ZNF92: variants seen among roughly 807,000 people sequenced by gnomAD.
The protein encoded by ZNF92 is epididymis luminal protein 203.
In ZNF92, 11 loss-of-function variants were observed where a neutral mutation model predicts 12.4. The observed-to-expected ratio is 0.89, with a 90% confidence interval of 0.56 to 1.47. ZNF92 has a LOEUF of 1.47. ZNF92 is among the 40% of genes most tolerant of loss of function. The pLI, the probability that ZNF92 is intolerant of heterozygous loss-of-function variation, is 0.00. For synonymous variants in ZNF92, 206 were observed against 228.6 expected (o/e 0.90, Z 0.89); for missense variants, 622 against 681.0 (o/e 0.91, Z 0.96).
At position 65,399,097 on chromosome 7, in the gene ZNF92, T is replaced by A; in HGVS notation, c.983T>A (p.Leu328His). ...CGKAFRVFSILKKHKIIHTGE... is the reference protein window; with the variant it reads ...CGKAFRVFSIHKKHKIIHTGE... ...AAAGCCTTTAGAGTATTCTCAATTC[T>A]TAAAAAACATAAGATAATCCATACT... Residue 328 changes from leucine to histidine, a missense_variant, in exon 4 of 4, where the codon CTT (leucine) becomes CAT (histidine). By Grantham distance (99) the Leu-to-His change is moderately conservative (BLOSUM62 -3). Transcript: ENST00000328747. 6.2e-7 allele frequency: 1 copy of A among 1,612,688 alleles called. No homozygotes were observed. The highest frequency in any genetic ancestry group is 8.5e-7 in the Non-Finnish European group (1 of 1,179,370).
intron 3 of ZNF92, among the ~76,000 whole-genome samples, chr7:65,392,478 G>A (rs918095335): frequency 1.3e-5 from 2 of 151,228 alleles, no homozygotes; most frequent in African/African-American, 4.9e-5. Flanking sequence ...CATGGTGGTG[G>A]CTCACATCTG....
chr7:65,377,162 CTG>C (rs1458280951), intron 1 of ZNF92, among the ~76,000 whole-genome samples: 1 of 152,060 alleles, frequency 6.6e-6, no homozygotes, highest in Non-Finnish European at 1.5e-5. Flanking sequence ...CGTATTTATA[CTG>C]TGTTTGAGTA....
At chr7:65,382,390 A>G (rs931461352) in intron 1 of ZNF92, among the ~76,000 whole-genome samples, 2 of 152,124 alleles carry the variant, frequency 1.3e-5, no homozygotes, top group East Asian at 1.9e-4. Flanking sequence ...TGATATAAAC[A>G]TATAAGGTGC....
chr7:65,389,534 T>C (rs1486517810), intron 3 of ZNF92, among the ~76,000 whole-genome samples: 1 of 152,056 alleles, frequency 6.6e-6, no homozygotes, highest in Non-Finnish European at 1.5e-5. Flanking sequence ...TTTTGTTTTT[T>C]TGAGACAGAG....
intron 2 of ZNF92, among the ~76,000 whole-genome samples, 184 bp from the exon 3 acceptor site, chr7:65,388,622 A>AGTGAGGC: frequency 6.7e-6 from 1 of 150,350 alleles, no homozygotes; most frequent in South Asian, 2.1e-4. Flanking sequence ...TGGGTGACAG[A>AGTGAGGC]GTGAGGCTCT....
At position 65,376,699 on chromosome 7, in the gene ZNF92, C is replaced by CTT. The variant is rs1477156616; in HGVS notation, c.3+2700_3+2701dup. ...TGACCTCGTGATCTGCCCACCTTGGCTTCCCAAAATGCTGGGATTACAGGC... is the reference window on the plus strand; with the variant it reads ...TGACCTCGTGATCTGCCCACCTTGGCTTTTCCCAAAATGCTGGGATTACAGGC... On this transcript the variant is annotated intron_variant, in intron 1 of 3. Transcript: ENST00000328747. Among the ~76,000 whole-genome samples the CTT allele has an allele frequency of 4.6e-5, 7 of 152,264 alleles. No individual in the cohort carries two copies. The East Asian group carries it at 1.4e-3, about 29-fold the overall frequency.
intron 3 of ZNF92, among the ~76,000 whole-genome samples, chr7:65,392,508 G>A (rs1034062184): frequency 2.0e-5 from 3 of 151,390 alleles, no homozygotes; most frequent in African/African-American, 7.3e-5. Flanking sequence ...GATTTTGGGA[G>A]GCCAAGACAG....
At chr7:65,394,466 G>A (rs1793799096) in intron 3 of ZNF92, among the ~76,000 whole-genome samples, 1 of 152,008 alleles carries the variant, frequency 6.6e-6, no homozygotes, top group Admixed American at 6.6e-5. Context: ...AATATGTTGT[G>A]AAATCAGGAA....
intron 3 of ZNF92, among the ~76,000 whole-genome samples, chr7:65,393,845 A>G (rs577320660): frequency 1.3e-5 from 2 of 152,038 alleles, no homozygotes; most frequent in African/African-American, 2.4e-5. Flanking sequence ...TGAACTTTAT[A>G]TGATACTTTA....
chr7:65,374,724 A>T (rs965896726), intron 1 of ZNF92, among the ~76,000 whole-genome samples: 1 of 151,070 alleles, frequency 6.6e-6, no homozygotes, highest in Non-Finnish European at 1.5e-5. Context: ...TTTGAATTAT[A>T]TTTTTTTTAA....
rs989004178 is a variant in ZNF92, at chr7:65,400,832, T to C, written c.*957T>C. ...ATCTGTTGTTGCTGAATCAGAGATA[T>C]GAGAGATTCTTTTTTATAGGTGGGC... On this transcript the variant is annotated 3_prime_UTR_variant, in exon 4 of 4. Coordinates refer to ENST00000328747, the MANE Select transcript of ZNF92 (RefSeq NM_152626.4). 6.6e-6 allele frequency: 1 copy of C among 152,076 alleles called. No individual in the cohort carries two copies. The highest frequency in any genetic ancestry group is 2.1e-4 in the South Asian group (1 of 4,824). 9.4% of individuals were successfully genotyped at this position (152,076 alleles called of 1,614,324 possible).
At position 65,399,179 on chromosome 7, in the gene ZNF92, C is replaced by G. The variant is rs774567798; in HGVS notation, c.1065C>G (p.Asn355Lys). 4 of 1,611,206 alleles carry G rather than the reference C, an allele frequency of 2.5e-6. No homozygotes were observed. The highest frequency in any genetic ancestry group is 3.4e-6 in the Non-Finnish European group (4 of 1,178,970). ...GCAAAGCCTTTAACCAGTTCTCAAA[C>G]CTTACTAAACATAAGATAATTCATA... ...ECGKAFNQFS[N>K]LTKHKIIHTG... is the part of the protein sequence containing the mutation. Residue 355 changes from asparagine (N) to lysine (K), a missense_variant, in exon 4 of 4, where the codon AAC (asparagine) becomes AAG (lysine). By Grantham distance (94) the Asn-to-Lys change is moderately conservative (BLOSUM62 0). Transcript: ENST00000328747.
At chr7:65,390,182 G>A (rs1793674550) in intron 3 of ZNF92, among the ~76,000 whole-genome samples, 1 of 151,982 alleles carries the variant, frequency 6.6e-6, no homozygotes, top group Non-Finnish European at 1.5e-5. Flanking sequence ...TATTAGTTTA[G>A]ACATGTTTAA....
chr7:65,399,944 A>G lies in ZNF92; in HGVS notation c.*69A>G, dbSNP rs1227724194. 15 of 1,334,700 alleles carry G rather than the reference A, an allele frequency of 1.1e-5. No homozygotes were observed. Among genetic ancestry groups the G allele is most frequent in the African/African-American group, 1.5e-5 (1 of 68,206 alleles). 82.7% of individuals were successfully genotyped at this position (1,334,700 alleles called of 1,614,324 possible). On this transcript the variant is annotated 3_prime_UTR_variant, in exon 4 of 4. Coordinates refer to ENST00000328747, the MANE Select transcript of ZNF92 (RefSeq NM_152626.4). Reference sequence around the variant, plus strand: ...CATAAACCATATTGGTGCCCTAGAAATGTGAGGAATATGACAAGGACTTTA... The same window carrying G: ...CATAAACCATATTGGTGCCCTAGAAGTGTGAGGAATATGACAAGGACTTTA...
intron 3 of ZNF92, among the ~76,000 whole-genome samples, chr7:65,389,778 G>C (rs1194613952): frequency 6.6e-6 from 1 of 151,872 alleles, no homozygotes; most frequent in Non-Finnish European, 1.5e-5. Flanking sequence ...GCCTCCCAAA[G>C]TGCTGGGATT....
Position 65,373,984 on chromosome 7 carries a change from CT to C in ZNF92, c.-13del, listed in dbSNP as rs1793162911. The stretch of plus-strand genomic sequence containing the variant: ...TTCACAGCTAAGACGCCAGGACCCC[CT>C]GGAAGCCTAGAAATGGTGAGCCTGC... On this transcript the variant is annotated 5_prime_UTR_variant, in exon 1 of 4. Coordinates refer to ENST00000328747, the MANE Select transcript of ZNF92 (RefSeq NM_152626.4). 4 of 1,614,154 alleles carry C rather than the reference CT, an allele frequency of 2.5e-6. No homozygotes were observed. The highest frequency in any genetic ancestry group is 3.4e-6 in the Non-Finnish European group (4 of 1,180,016).
At chr7:65,379,570 C>T (rs940178029) in intron 1 of ZNF92, among the ~76,000 whole-genome samples, 2 of 152,108 alleles carry the variant, frequency 1.3e-5, no homozygotes, top group Admixed American at 6.5e-5. Flanking sequence ...ACTCACTAGA[C>T]ATTGATGTGC....
At position 65,399,884 on chromosome 7, in the gene ZNF92, A is replaced by G. The variant is rs1793965276; in HGVS notation, c.*9A>G. 1 of 1,550,582 alleles carries G rather than the reference A, an allele frequency of 6.4e-7. No individual in the cohort carries two copies. On this transcript the variant is annotated 3_prime_UTR_variant, in exon 4 of 4. Coordinates refer to ENST00000328747, the MANE Select transcript of ZNF92 (RefSeq NM_152626.4). The stretch of plus-strand genomic sequence containing the variant: ...AGAAACTACAAACCTGAAAGATGTG[A>G]CAATGATTTTCACTACACCTCAAAC...
chr7:65,375,902 C>T (rs1302249166), intron 1 of ZNF92, among the ~76,000 whole-genome samples: 2 of 152,104 alleles, frequency 1.3e-5, no homozygotes, highest in South Asian at 4.2e-4. Flanking sequence ...GTAAAATACA[C>T]CTGGGGTATA....
Sources: allele counts gnomAD v4.1 joint callset (sites outside exome capture counted in the v4.1 genomes callset), GRCh38; gene constraint gnomAD v4.1.1; transcripts MANE v1.5; gene names NCBI Gene and HGNC (gene_info 2026-07-23, HGNC 2026-07-21).